Variants in DAB1 observed in about 807,000 individuals in gnomAD.
DAB1 encodes the protein disabled homolog 1.
In DAB1, 15 loss-of-function variants were observed where a neutral mutation model predicts 64.6. That is an observed-to-expected ratio of 0.23 (90% confidence interval 0.16 to 0.36). DAB1 has a LOEUF of 0.36. Ranked by LOEUF, DAB1 falls within the 10% of genes least tolerant of loss-of-function variation. The pLI is 1.00. For missense variants in DAB1, 596 were observed against 706.7 expected (o/e 0.84, Z 1.78); for synonymous variants, 235 against 251.9 (o/e 0.93, Z 0.64).
intron 1 of DAB1, among the ~76,000 whole-genome samples, chr1:57,869,155 C>A (rs1299167702): frequency 6.6e-6 from 1 of 152,062 alleles, no homozygotes; most frequent in Admixed American, 6.6e-5. Flanking sequence ...GCCAGTAAAA[C>A]TAAGGAAAAG....
chr1:57,517,799 G>A (rs1414153422), intron 7 of DAB1, among the ~76,000 whole-genome samples: 2 of 152,194 alleles, frequency 1.3e-5, no homozygotes, highest in African/African-American at 2.4e-5. Context: ...CTACAGCTAA[G>A]GGGGCACATT....
intron 4 of DAB1, among the ~76,000 whole-genome samples, chr1:57,080,425 C>T (rs748399624): frequency 1.8e-4 from 27 of 152,194 alleles, no homozygotes; most frequent in Non-Finnish European, 3.5e-4. Context: ...AGTAAATACT[C>T]ATGTCCTCTT....
intron 12 of DAB1, among the ~76,000 whole-genome samples, chr1:57,013,794 C>T (rs931904070): frequency 1.3e-5 from 2 of 152,176 alleles, no homozygotes; most frequent in African/African-American, 4.8e-5. Context: ...AACAAGTGTA[C>T]ATGTGCTCAA....
chr1:58,536,675 C>A, intron 1 of DAB1: 1 of 872,778 alleles, frequency 1.1e-6, no homozygotes. Context: ...ATTTATTCTT[C>A]CTTATATTTT....
intron 2 of DAB1, among the ~76,000 whole-genome samples, chr1:57,171,790 T>C (rs778028995): frequency 5.3e-5 from 8 of 152,240 alleles, no homozygotes; most frequent in Non-Finnish European, 1.0e-4. Context: ...GATTTGAATA[T>C]ATTTAAAGGA....
chr1:57,104,988 T>C (rs1053967242), intron 4 of DAB1, among the ~76,000 whole-genome samples: 47 of 152,134 alleles, frequency 3.1e-4, no homozygotes, highest in Non-Finnish European at 7.3e-5. Context: ...GGGCTGTCTC[T>C]AGGTTAAGTA....
At position 57,279,504 on chromosome 1, in the gene DAB1, G is replaced by A. The variant is rs185507671; in HGVS notation, c.67+11460C>T. Among the ~76,000 whole-genome samples the A allele has an allele frequency of 1.4e-3, 212 of 152,266 alleles. 2 individuals carry two copies. The highest frequency in any genetic ancestry group is 4.9e-3 in the African/African-American group (202 of 41,568). ...CCAAGAGGAATGAAAGCAGGGTCTC[G>A]AATAGATAGCTGTATACTCATTTCA... is the stretch of plus-strand genomic sequence containing the variant. On this transcript the variant is annotated intron_variant, in intron 2 of 14. Transcript: ENST00000371236.
At chr1:57,067,580 C>A (rs895497564) in intron 8 of DAB1, among the ~76,000 whole-genome samples, 10 of 152,122 alleles carry the variant, frequency 6.6e-5, no homozygotes, top group Admixed American at 3.9e-4. Context: ...CCACCTCCAC[C>A]ATTTCTGAGT....
intron 2 of DAB1, among the ~76,000 whole-genome samples, chr1:57,192,363 T>G (rs155294): frequency 0.2 from 29,702 of 150,662 alleles, 5,135 homozygotes; most frequent in African/African-American, 0.45. Context: ...GGCTAAAATA[T>G]GAGCACTGCA....
chr1:57,808,760 G>A (rs924851480), intron 6 of DAB1, among the ~76,000 whole-genome samples: 9 of 152,198 alleles, frequency 5.9e-5, no homozygotes, highest in Middle Eastern at 3.4e-3. Flanking sequence ...TTTCACATGC[G>A]TTATCTCATT....
At chr1:57,506,698 C>T (rs1033066800) in intron 7 of DAB1, among the ~76,000 whole-genome samples, 2 of 152,192 alleles carry the variant, frequency 1.3e-5, no homozygotes, top group African/African-American at 4.8e-5. Flanking sequence ...CTGTCCCTCT[C>T]ACATTTCAAA....
intron 5 of DAB1, among the ~76,000 whole-genome samples, chr1:57,928,692 G>A (rs2102033454): frequency 6.6e-6 from 1 of 152,216 alleles, no homozygotes; most frequent in Non-Finnish European, 1.5e-5. Flanking sequence ...CCATATAGTT[G>A]AAATCACAAA....
chr1:57,957,113 A>T (rs1645409697), intron 5 of DAB1, among the ~76,000 whole-genome samples: 1 of 152,196 alleles, frequency 6.6e-6, no homozygotes, highest in Non-Finnish European at 1.5e-5. Flanking sequence ...TTTGACTTAC[A>T]TTTTAATAGG....
chr1:58,018,784 C>T (rs889779601), intron 5 of DAB1, among the ~76,000 whole-genome samples: 1 of 152,142 alleles, frequency 6.6e-6, no homozygotes, highest in Non-Finnish European at 1.5e-5. Flanking sequence ...CCAAGTCTTC[C>T]CTGAAAAACT....
At chr1:58,150,040 A>G (rs1029590387) in intron 5 of DAB1, among the ~76,000 whole-genome samples, 1 of 152,232 alleles carries the variant, frequency 6.6e-6, no homozygotes, top group Non-Finnish European at 1.5e-5. Context: ...ATTCATTGAA[A>G]GCCTTCTATG....
intron 7 of DAB1, among the ~76,000 whole-genome samples, chr1:57,505,328 G>T (rs1393444298): frequency 6.6e-6 from 1 of 152,194 alleles, no homozygotes; most frequent in Admixed American, 6.5e-5. Flanking sequence ...CACAGCAACA[G>T]ATGAGAATAT....
intron 6 of DAB1, among the ~76,000 whole-genome samples, chr1:57,683,290 C>T (rs1354449505): frequency 1.3e-5 from 2 of 152,150 alleles, no homozygotes; most frequent in African/African-American, 4.8e-5. Flanking sequence ...GAGCGAGCCC[C>T]ACAACCTGGC....
intron 1 of DAB1, among the ~76,000 whole-genome samples, chr1:57,292,572 A>T (rs541246977): frequency 1.3e-5 from 2 of 152,302 alleles, no homozygotes; most frequent in Non-Finnish European, 2.9e-5. Flanking sequence ...CTCTAAGACA[A>T]CGTTCAATGG....
At chr1:58,048,739 T>C in intron 5 of DAB1, 2 of 1,308,102 alleles carry the variant, frequency 1.5e-6, no homozygotes, top group South Asian at 2.4e-5. Flanking sequence ...ACTAGCCATC[T>C]CTTGCTTTGA....
Sources: allele counts gnomAD v4.1 joint callset (sites outside exome capture counted in the v4.1 genomes callset), GRCh38; gene constraint gnomAD v4.1.1; transcripts MANE v1.5; gene names NCBI Gene and HGNC (gene_info 2026-07-23, HGNC 2026-07-21).